CSMD1: variants seen among roughly 807,000 people sequenced by gnomAD.
CSMD1 encodes CUB and Sushi multiple domains 1.
In CSMD1, 213 loss-of-function variants were observed where a neutral mutation model predicts 417.5. The ratio of observed to expected loss-of-function variants is 0.51; its 90% CI spans 0.46 to 0.57. The LOEUF is 0.57. Ranked by LOEUF, CSMD1 falls within the 20% of genes least tolerant of loss-of-function variation. The pLI, the probability that CSMD1 is intolerant of heterozygous loss-of-function variation, is 0.00. For missense variants in CSMD1, 6,923 were observed against 4,529.7 expected (o/e 1.53, Z -15.17); for synonymous variants, 2,862 against 1,736.8 (o/e 1.65, Z -16.11).
intron 3 of CSMD1, among the ~76,000 whole-genome samples, chr8:4,219,852 G>T (rs374510406): frequency 6.6e-6 from 1 of 152,174 alleles, no homozygotes; most frequent in South Asian, 2.1e-4. Context: ...TTGTAGTGGG[G>T]AGTGCATAGA....
chr8:4,033,620 C>A (rs1422196204), intron 3 of CSMD1, among the ~76,000 whole-genome samples: 2 of 152,138 alleles, frequency 1.3e-5, no homozygotes, highest in Non-Finnish European at 2.9e-5. Context: ...CTCTTGGGCA[C>A]TTGTTCTCAG....
intron 2 of CSMD1, among the ~76,000 whole-genome samples, chr8:4,566,076 T>C (rs1360318290): frequency 6.6e-6 from 1 of 152,116 alleles, no homozygotes; most frequent in African/African-American, 2.4e-5. Flanking sequence ...ATTAACTCTG[T>C]TCTTCCTCAA....
intron 3 of CSMD1, among the ~76,000 whole-genome samples, chr8:4,209,754 G>A: frequency 6.6e-6 from 1 of 152,108 alleles, no homozygotes; most frequent in South Asian, 2.1e-4. Context: ...AGCACAGCAG[G>A]ACTACACCAT....
chr8:4,005,703 G>A (rs747610585), intron 4 of CSMD1, among the ~76,000 whole-genome samples: 49 of 152,180 alleles, frequency 3.2e-4, no homozygotes, highest in Non-Finnish European at 6.2e-4. Flanking sequence ...GAACTTTCAA[G>A]ACTCCCTCAT....
intron 5 of CSMD1, among the ~76,000 whole-genome samples, chr8:3,894,258 T>C (rs969777181): frequency 6.6e-6 from 1 of 152,226 alleles, no homozygotes; most frequent in East Asian, 1.9e-4. Context: ...TGCAGTCCCA[T>C]CTCCACACTG....
rs373361114 is a variant in CSMD1 at position 4,583,063 on chromosome 8, C to A, written c.302+54279G>T. Among the ~76,000 whole-genome samples the A allele has an allele frequency of 1.6e-4, 24 of 152,328 alleles. 1 individual carries two copies. The East Asian group carries it at 3.9e-3, about 25-fold the overall frequency. On this transcript the variant is annotated intron_variant, in intron 2 of 69. Transcript: ENST00000635120. ...TCTCACCCGGCGTTAGCTGCCTTCC[C>A]GCGGGGCAGGGCTCAGGACCTGCAG... is the stretch of plus-strand genomic sequence containing the variant.
At chr8:4,084,155 C>A (rs57601830) in intron 3 of CSMD1, among the ~76,000 whole-genome samples, 1 of 151,928 alleles carries the variant, frequency 6.6e-6, no homozygotes, top group Non-Finnish European at 1.5e-5. Context: ...TTTATAAAAG[C>A]AGAATAATTA....
In CSMD1 at chr8:3,406,225, A is replaced by C. The variant is rs1481849019; in HGVS notation, c.2072-4T>G. 1.3e-6 allele frequency: 2 copies of C among 1,580,212 alleles called. No individual in the cohort carries two copies. The highest frequency in any genetic ancestry group is 8.6e-7 in the Non-Finnish European group (1 of 1,165,018). Reference sequence around the variant, plus strand: ...TGGCACTCATTCTGACCAAATGCTGAAAGAAAAAGAAGAAGAAAAAAGGAA... The same window carrying C: ...TGGCACTCATTCTGACCAAATGCTGCAAGAAAAAGAAGAAGAAAAAAGGAA... On this transcript the variant is annotated splice_region_variant and splice_polypyrimidine_tract_variant and intron_variant, in intron 14 of 69. Coordinates refer to ENST00000635120, the MANE Select transcript of CSMD1 (RefSeq NM_033225.6).
At chr8:4,726,333 T>C (rs138961947) in intron 1 of CSMD1, among the ~76,000 whole-genome samples, 1 of 152,218 alleles carries the variant, frequency 6.6e-6, no homozygotes, top group East Asian at 1.9e-4. Flanking sequence ...AAAAAAGCTT[T>C]TTGTATTCCT....
chr8:3,628,437 G>A (rs916436380), intron 7 of CSMD1, among the ~76,000 whole-genome samples: 1 of 152,184 alleles, frequency 6.6e-6, no homozygotes, highest in East Asian at 1.9e-4. Flanking sequence ...TCCATTAACC[G>A]TAAGTCATGA....
intron 2 of CSMD1, among the ~76,000 whole-genome samples, chr8:4,629,637 T>C (rs142151219): frequency 1.3e-5 from 2 of 152,218 alleles, no homozygotes; most frequent in African/African-American, 4.8e-5. Flanking sequence ...CTAAATTACG[T>C]GTCCTGCCTA....
intron 2 of CSMD1, among the ~76,000 whole-genome samples, chr8:4,488,365 T>C (rs908281012): frequency 2.0e-5 from 3 of 152,068 alleles, no homozygotes; most frequent in African/African-American, 7.2e-5. Flanking sequence ...ACTTGACATA[T>C]AGAAACTTGT....
intron 5 of CSMD1, among the ~76,000 whole-genome samples, chr8:3,877,000 T>G (rs1259583036): frequency 1.3e-5 from 2 of 152,216 alleles, no homozygotes; most frequent in Non-Finnish European, 2.9e-5. Context: ...AGCAATAACA[T>G]ACTTTCATAT....
chr8:3,242,209 G>T (rs1254693805), intron 26 of CSMD1, among the ~76,000 whole-genome samples: 1 of 151,978 alleles, frequency 6.6e-6, no homozygotes, highest in Admixed American at 6.6e-5. Flanking sequence ...GCTGGACCAG[G>T]TGTGAGGAGG....
intron 1 of CSMD1, among the ~76,000 whole-genome samples, chr8:4,902,756 C>T (rs924860105): frequency 2.0e-5 from 3 of 151,974 alleles, no homozygotes; most frequent in Non-Finnish European, 4.4e-5. Context: ...TCCCTCTGGC[C>T]TCTGTAGCTT....
At chr8:4,159,615 G>T (rs1432415400) in intron 3 of CSMD1, among the ~76,000 whole-genome samples, 2 of 152,126 alleles carry the variant, frequency 1.3e-5, no homozygotes, top group African/African-American at 4.8e-5. Flanking sequence ...GTGAGACAGA[G>T]TCTCACTCTG....
intron 7 of CSMD1, among the ~76,000 whole-genome samples, chr8:3,660,634 C>A (rs1005354939): frequency 1.3e-5 from 2 of 151,372 alleles, no homozygotes; most frequent in African/African-American, 2.4e-5. Flanking sequence ...GATTCTCCTA[C>A]CTCAGCCTCC....
chr8:4,748,143 A>G (rs1811074292), intron 1 of CSMD1, among the ~76,000 whole-genome samples: 3 of 152,216 alleles, frequency 2.0e-5, no homozygotes, highest in African/African-American at 7.2e-5. Flanking sequence ...ACCAACTCAC[A>G]GAGAAAACCC....
At chr8:4,554,443 A>T (rs1040728398) in intron 2 of CSMD1, among the ~76,000 whole-genome samples, 3 of 152,192 alleles carry the variant, frequency 2.0e-5, no homozygotes, top group African/African-American at 7.2e-5. Context: ...GCCCAGACAC[A>T]GTCACTTTTT....
Sources: allele counts gnomAD v4.1 joint callset (sites outside exome capture counted in the v4.1 genomes callset), GRCh38; gene constraint gnomAD v4.1.1; transcripts MANE v1.5; gene names NCBI Gene and HGNC (gene_info 2026-07-23, HGNC 2026-07-21).